NTNG2: variants seen among roughly 807,000 people sequenced by gnomAD.
NTNG2 encodes netrin-G2.
A neutral mutation model predicts 47.6 loss-of-function variants in NTNG2; 15 were observed. The ratio of observed to expected loss-of-function variants is 0.32; its 90% CI spans 0.21 to 0.49. NTNG2 has a LOEUF of 0.49. Ranked by LOEUF, NTNG2 falls within the 20% of genes least tolerant of loss-of-function variation. The pLI, the probability that NTNG2 is intolerant of heterozygous loss-of-function variation, is 0.99. For missense variants in NTNG2, 578 were observed against 764.6 expected, an observed-to-expected ratio of 0.76 and a Z score of 2.88; for synonymous variants, 307 against 324.6, an observed-to-expected ratio of 0.95 and a Z score of 0.58.
rs1272254596 is a variant in NTNG2, at chr9:132,162,534, G to C, written c.-484+295G>C. Among the ~76,000 whole-genome samples, 1 of 111,632 alleles carries C rather than the reference G, an allele frequency of 9.0e-6. No homozygotes were observed. The highest frequency in any genetic ancestry group is 1.8e-5 in the Non-Finnish European group (1 of 54,944). The allele number at this position is 111,632 out of a possible 152,430, so 73.2% of individuals were successfully genotyped here. ...CGGGTCCTTTCCGTCGTGTGTGTGA[G>C]AGTGTGTGTGTGTGTGTGTGTGAGA... is the stretch of plus-strand genomic sequence containing the variant. On this transcript the variant is annotated intron_variant, in intron 1 of 7. Transcript: ENST00000393229. This position sits in a 1 kb window ranked among gnomAD's most constrained non-coding sequence, Gnocchi z 4.6.
rs1482350391 is a variant in NTNG2, at chr9:132,227,034, C to A, written c.1030+13C>A. The A allele has an allele frequency of 6.3e-7, 1 of 1,581,722 alleles. No homozygotes were observed. Among genetic ancestry groups the A allele is most frequent in the African/African-American group, 1.3e-5 (1 of 74,314 alleles). ...TCTCCCAACGCCTGTACGTGCCATG[C>A]CCCGGGGCCACGAGCCCACATGGCT... On this transcript the variant is annotated intron_variant, in intron 4 of 7. Coordinates refer to ENST00000393229, the MANE Select transcript of NTNG2 (RefSeq NM_032536.4).
rs188867265 is a variant in NTNG2 at position 132,180,228 on chromosome 9, G to A, written c.213+13184G>A. 8.5e-5 allele frequency among the ~76,000 whole-genome samples: 13 copies of A among 152,352 alleles called. No individual in the cohort carries two copies. Among genetic ancestry groups the A allele is most frequent in the Non-Finnish European group, 1.8e-4 (12 of 68,032 alleles). On this transcript the variant is annotated intron_variant, in intron 2 of 7. Coordinates refer to ENST00000393229, the MANE Select transcript of NTNG2 (RefSeq NM_032536.4). This position sits in a 1 kb window ranked among gnomAD's most constrained non-coding sequence, Gnocchi z 4.2. ...CACGACCAGGCATTTTCCCTTGGCC[G>A]AAGCAGAAGTCTGCTGTCGGGCAAA...
At position 132,197,968 on chromosome 9, in the gene NTNG2, G is replaced by A. The variant is rs970278886; in HGVS notation, c.216G>A (p.Glu72=). ...CCCTTCTCCTCTCCCCGCTGCAGGAGAATCCCTACCTATGCAGCAACGAGT... is the reference window on the plus strand; with the variant it reads ...CCCTTCTCCTCTCCCCGCTGCAGGAAAATCCCTACCTATGCAGCAACGAGT... ...GDPPERFCSH[E]NPYLCSNECD... is the part of the protein sequence containing the mutation. Residue 72 remains glutamate, a splice_region_variant and synonymous_variant, in exon 3 of 8, where the codon GAG becomes GAA. Transcript: ENST00000393229. The surrounding 1 kb of genome is among the most constrained non-coding windows in gnomAD (Gnocchi z 4.3). 6 of 1,609,040 alleles carry A rather than the reference G, an allele frequency of 3.7e-6. No individual in the cohort carries two copies. The African/African-American group carries it at 6.7e-5, about 18-fold the overall frequency.
rs1842114463 is a variant in NTNG2, at chr9:132,243,712, C to G, written c.*1601C>G. 6.6e-6 allele frequency: 1 copy of G among 152,312 alleles called. No individual in the cohort carries two copies. The highest frequency in any genetic ancestry group is 6.5e-5 in the Admixed American group (1 of 15,290). The allele number at this position is 152,312 out of a possible 1,614,324, so 9.4% of individuals were successfully genotyped here. A position where few individuals can be genotyped will look rare whatever the true frequency, so the allele number is the denominator to read the frequency against. ...TTAGACCTGGGTCCTTCCCTTGAGT[C>G]CCCAAAGCTAAGCTAAGACCAAGTG... On this transcript the variant is annotated 3_prime_UTR_variant, in exon 8 of 8. Coordinates refer to ENST00000393229, the MANE Select transcript of NTNG2 (RefSeq NM_032536.4).
At chr9:132,189,420 G>A (rs80257007) in intron 2 of NTNG2, among the ~76,000 whole-genome samples, 3 of 67,088 alleles carry the variant, frequency 4.5e-5, no homozygotes. Flanking sequence ...TAAAAAAAAG[G>A]TATCATCTCC....
intron 3 of NTNG2, among the ~76,000 whole-genome samples, chr9:132,225,395 T>C (rs2130926309): frequency 6.6e-6 from 1 of 152,260 alleles, no homozygotes; most frequent in South Asian, 2.1e-4. Flanking sequence ...CCTAGCCTCT[T>C]GAGTAGCTAG....
rs918082264 is a variant in NTNG2, at chr9:132,182,318, G to A, written c.213+15274G>A. Among the ~76,000 whole-genome samples the A allele has an allele frequency of 6.6e-6, 1 of 152,188 alleles. No individual in the cohort carries two copies. Among genetic ancestry groups the A allele is most frequent in the Non-Finnish European group, 1.5e-5 (1 of 68,038 alleles). The stretch of plus-strand genomic sequence containing the variant: ...AAATAGAGGGTGGAGGGTGCAGGGG[G>A]TGGAGGAGTGTGCTGTCTGCCAAGG... On this transcript the variant is annotated intron_variant, in intron 2 of 7. Transcript: ENST00000393229. The surrounding 1 kb of genome is among the most constrained non-coding windows in gnomAD (Gnocchi z 4.2).
chr9:132,203,351 T>C (rs1198766714), intron 3 of NTNG2, among the ~76,000 whole-genome samples: 1 of 151,784 alleles, frequency 6.6e-6, no homozygotes, highest in Non-Finnish European at 1.5e-5. Context: ...AAAAAAATAA[T>C]AATAATAAAT....
chr9:132,186,738 C>A (rs190815760), intron 2 of NTNG2, among the ~76,000 whole-genome samples: 2 of 152,252 alleles, frequency 1.3e-5, no homozygotes, highest in Non-Finnish European at 2.9e-5. Flanking sequence ...ATCCCCAAAG[C>A]GGAGCGAAGC....
At chr9:132,216,215 A>G (rs1385234430) in intron 3 of NTNG2, among the ~76,000 whole-genome samples, 2 of 152,130 alleles carry the variant, frequency 1.3e-5, no homozygotes, top group Non-Finnish European at 2.9e-5. Context: ...GCTCCCATGC[A>G]TTATCCCCTT....
rs181855412 is a variant in NTNG2 at position 132,165,214 on chromosome 9, G to C, written c.-483-1135G>C. 1.0e-3 allele frequency among the ~76,000 whole-genome samples: 155 copies of C among 152,250 alleles called. 2 individuals are homozygous for C. Among genetic ancestry groups the C allele is most frequent in the Non-Finnish European group, 8.4e-4 (57 of 68,008 alleles). On this transcript the variant is annotated intron_variant, in intron 1 of 7. Transcript: ENST00000393229. ...GCTGGACTTGGATTCTCCGGGTGAC[G>C]TATCCAGTGTCTGGAACACACCACA...
chr9:132,169,598 C>T (rs1394304309), intron 2 of NTNG2, among the ~76,000 whole-genome samples: 5 of 152,188 alleles, frequency 3.3e-5, no homozygotes, highest in Non-Finnish European at 5.9e-5. Flanking sequence ...GTAGCCAAGG[C>T]CCATGCCCAC....
chr9:132,196,213 G>A (rs566772735), intron 2 of NTNG2, among the ~76,000 whole-genome samples: 3 of 152,112 alleles, frequency 2.0e-5, no homozygotes, highest in East Asian at 1.9e-4. Context: ...TGTTTGATAC[G>A]GAGTTTCACT....
upstream of NTNG2, chr9:132,161,864 G>A (rs1835061816): frequency 6.6e-6 from 1 of 150,584 alleles, no homozygotes; most frequent in Non-Finnish European, 1.5e-5. The surrounding 1 kb of genome is among the most constrained non-coding windows in gnomAD (Gnocchi z 7.2). Context: ...ACCCGGGCCG[G>A]GGGCTGCCCG....
At position 132,215,954 on chromosome 9, in the gene NTNG2, C is replaced by T. The variant is rs1225626120; in HGVS notation, c.858-10895C>T. On this transcript the variant is annotated intron_variant, in intron 3 of 7. Coordinates refer to ENST00000393229, the MANE Select transcript of NTNG2 (RefSeq NM_032536.4). This position sits in a 1 kb window ranked among gnomAD's most constrained non-coding sequence, Gnocchi z 4.2. ...TGTGCCAGACCCAGTGCTGAGCCCT[C>T]GAGGGTACCAGCTCAGCTTGCCCTT... Among the ~76,000 whole-genome samples the T allele has an allele frequency of 1.3e-5, 2 of 152,180 alleles. No individual in the cohort carries two copies. Among genetic ancestry groups the T allele is most frequent in the African/African-American group, 2.4e-5 (1 of 41,428 alleles).
At position 132,236,898 on chromosome 9, in the gene NTNG2, C is replaced by T. The variant is rs66919296; in HGVS notation, c.1055-2206C>T. Among the ~76,000 whole-genome samples, 23,049 of 152,174 alleles carry T rather than the reference C, an allele frequency of 0.15. 1,875 individuals are homozygous for T. The highest frequency in any genetic ancestry group is 0.2 in the African/African-American group (8,153 of 41,496). ...TCCAGGGACAGCGAAGGATTCACTT[C>T]GGCTGGAGCAGGAAGAGTGTTTCAG... On this transcript the variant is annotated intron_variant, in intron 5 of 7. Transcript: ENST00000393229. The surrounding 1 kb of genome is among the most constrained non-coding windows in gnomAD (Gnocchi z 4.3).
At chr9:132,225,278 TG>T (rs1241173324) in intron 3 of NTNG2, among the ~76,000 whole-genome samples, 3 of 151,820 alleles carry the variant, frequency 2.0e-5, no homozygotes, top group Admixed American at 6.6e-5. Flanking sequence ...TGTTTTGTTT[TG>T]TTTTTTTTGG....
At chr9:132,232,845 T>G (rs1368785706) in intron 5 of NTNG2, 1 of 152,328 alleles carries the variant, frequency 6.6e-6, no homozygotes, top group Non-Finnish European at 1.5e-5. Context: ...CAGAGTCCCC[T>G]CCATCAGCTC....
chr9:132,241,562 G>T, intron 7 of NTNG2: 1 of 396,130 alleles, frequency 2.5e-6, no homozygotes, highest in Non-Finnish European at 4.6e-6. Flanking sequence ...CGCGGGCACA[G>T]GGTGAAAGGA....
Sources: allele counts gnomAD v4.1 joint callset (sites outside exome capture counted in the v4.1 genomes callset), GRCh38; gene constraint gnomAD v4.1.1; non-coding constraint Gnocchi (gnomAD v3.1); transcripts MANE v1.5; gene names NCBI Gene and HGNC (gene_info 2026-07-23, HGNC 2026-07-21).